Variants in CSMD1 observed in about 807,000 individuals in gnomAD.
CSMD1 encodes CUB and sushi domain-containing protein 1.
Under a neutral mutation model 417.5 loss-of-function variants are expected in CSMD1, and 213 were observed. The observed-to-expected ratio is 0.51, with a 90% CI of 0.46 to 0.57. The LOEUF is 0.57. Among genes scored for constraint, CSMD1 ranks in the 20% least tolerant of loss-of-function variants. The probability of loss-of-function intolerance (pLI) is 0.00; values close to 1 mark genes in which losing one functional copy is unlikely to be tolerated. For synonymous variants in CSMD1, 2,862 were observed against 1,736.8 expected, an observed-to-expected ratio of 1.65 and a Z score of -16.11; for missense variants, 6,923 against 4,529.7, an observed-to-expected ratio of 1.53 and a Z score of -15.17.
In CSMD1 at chr8:3,252,353, C is replaced by T. The variant is rs1585802990; in HGVS notation, c.4154-22122G>A. Reference sequence around the variant, plus strand: ...TTTTGTCTTTGGTTCTGTTTATATGCTGGATTACATTTATTGATTTGCATA... The same window carrying T: ...TTTTGTCTTTGGTTCTGTTTATATGTTGGATTACATTTATTGATTTGCATA... On this transcript the variant is annotated intron_variant, in intron 26 of 69. Transcript: ENST00000635120. 2.6e-5 allele frequency among the ~76,000 whole-genome samples: 4 copies of T among 152,206 alleles called. No individual in the cohort carries two copies. The East Asian group carries it at 7.7e-4, about 29-fold the overall frequency.
intron 3 of CSMD1, among the ~76,000 whole-genome samples, chr8:4,199,900 A>T (rs1799552400): frequency 6.6e-6 from 1 of 152,172 alleles, no homozygotes; most frequent in Non-Finnish European, 1.5e-5. Flanking sequence ...GTGGAAGACA[A>T]GTCATACATT....
At chr8:3,243,527 T>C (rs1255074418) in intron 26 of CSMD1, among the ~76,000 whole-genome samples, 2 of 151,918 alleles carry the variant, frequency 1.3e-5, no homozygotes, top group African/African-American at 4.8e-5. Context: ...CAGGGGAGTT[T>C]TTGAGCCAGG....
intron 3 of CSMD1, among the ~76,000 whole-genome samples, chr8:4,076,992 A>G (rs1407183048): frequency 6.6e-6 from 1 of 152,190 alleles, no homozygotes; most frequent in Admixed American, 6.5e-5. Context: ...TGAAGAATAA[A>G]TTCCAGCTAA....
intron 7 of CSMD1, among the ~76,000 whole-genome samples, chr8:3,648,370 CA>C (rs1452222533): frequency 6.6e-6 from 1 of 152,050 alleles, no homozygotes; most frequent in Non-Finnish European, 1.5e-5. Context: ...GAGAAATTTT[CA>C]AATTAAGACT....
chr8:2,945,048 G>C (rs1002824293), intron 68 of CSMD1, among the ~76,000 whole-genome samples: 1 of 149,546 alleles, frequency 6.7e-6, no homozygotes, highest in Non-Finnish European at 1.5e-5. Context: ...GTTAATTTCA[G>C]TTACTTGCCT....
intron 2 of CSMD1, among the ~76,000 whole-genome samples, chr8:4,533,210 T>A (rs1179755198): frequency 6.6e-6 from 1 of 152,214 alleles, no homozygotes; most frequent in East Asian, 1.9e-4. Flanking sequence ...TACTACATTT[T>A]AAACATGTAA....
intron 1 of CSMD1, among the ~76,000 whole-genome samples, chr8:4,733,810 T>A (rs1810051925): frequency 6.6e-6 from 1 of 152,216 alleles, no homozygotes; most frequent in Non-Finnish European, 1.5e-5. Context: ...TACTAAATTA[T>A]GGAAAACTGC....
intron 1 of CSMD1, among the ~76,000 whole-genome samples, chr8:4,753,967 A>G (rs1811507655): frequency 6.6e-6 from 1 of 152,236 alleles, no homozygotes; most frequent in African/African-American, 2.4e-5. Context: ...AAGCAAATGA[A>G]CAGCTTCAAA....
chr8:4,050,552 G>C (rs1034424588), intron 3 of CSMD1, among the ~76,000 whole-genome samples: 3 of 151,994 alleles, frequency 2.0e-5, no homozygotes, highest in African/African-American at 7.2e-5. Context: ...TATTCTTCAT[G>C]TTACAAACAA....
At chr8:4,509,835 G>T (rs1016771244) in intron 2 of CSMD1, among the ~76,000 whole-genome samples, 1 of 152,138 alleles carries the variant, frequency 6.6e-6, no homozygotes, top group Non-Finnish European at 1.5e-5. Flanking sequence ...ATGTTAAATT[G>T]CCCCAAGATT....
chr8:3,201,134 G>A lies in CSMD1; in HGVS notation c.5098+478C>T, dbSNP rs970437507. Among the ~76,000 whole-genome samples, 3 of 152,132 alleles carry A rather than the reference G, an allele frequency of 2.0e-5. No homozygotes were observed. In the East Asian group the frequency reaches 5.8e-4, roughly 29 times the overall value. ...TGAAATAACATTCCATGTTTTATGG[G>A]GGCTCATGTGTATTTGCATGTGTGG... On this transcript the variant is annotated intron_variant, in intron 32 of 69. Transcript: ENST00000635120.
intron 1 of CSMD1, among the ~76,000 whole-genome samples, chr8:4,639,251 ATTTT>A (rs34704649): frequency 3.0e-5 from 4 of 131,444 alleles, no homozygotes; most frequent in Admixed American, 8.0e-5. Flanking sequence ...GTGGTTGTCA[ATTTT>A]TTTTTTTTTT....
chr8:3,334,953 C>G (rs1807156683), intron 23 of CSMD1, among the ~76,000 whole-genome samples: 1 of 152,328 alleles, frequency 6.6e-6, no homozygotes, highest in Middle Eastern at 3.4e-3. Context: ...TCCAACGAGC[C>G]TTCTCCAAAA....
chr8:4,178,256 G>A (rs962513310), intron 3 of CSMD1, among the ~76,000 whole-genome samples: 1 of 151,912 alleles, frequency 6.6e-6, no homozygotes, highest in African/African-American at 2.4e-5. Flanking sequence ...TTCATCCCTG[G>A]GATGCAAGGC....
intron 2 of CSMD1, among the ~76,000 whole-genome samples, chr8:4,521,379 G>T (rs936400415): frequency 1.3e-5 from 2 of 151,848 alleles, no homozygotes; most frequent in African/African-American, 4.8e-5. Flanking sequence ...AATAGAAAAA[G>T]AAAAAACAAA....
chr8:3,965,812 T>C (rs959532831), intron 5 of CSMD1, among the ~76,000 whole-genome samples: 1 of 151,944 alleles, frequency 6.6e-6, no homozygotes, highest in East Asian at 1.9e-4. Context: ...AGAGATGGGG[T>C]TTCACCATGT....
At chr8:4,967,669 G>A (rs9942812) in intron 1 of CSMD1, among the ~76,000 whole-genome samples, 57,100 of 152,040 alleles carry the variant, frequency 0.38, 11,233 homozygotes, top group Non-Finnish European at 0.44. Flanking sequence ...TAATGAGCAT[G>A]AATCTTGCAT....
chr8:2,943,918 G>C (rs1354273993), intron 68 of CSMD1, among the ~76,000 whole-genome samples: 2 of 152,072 alleles, frequency 1.3e-5, no homozygotes, highest in Non-Finnish European at 2.9e-5. Flanking sequence ...TTATAAACCA[G>C]AAATGCAAAA....
intron 20 of CSMD1, among the ~76,000 whole-genome samples, chr8:3,365,736 G>T (rs150710959): frequency 1.7e-3 from 255 of 152,264 alleles, no homozygotes; most frequent in Non-Finnish European, 3.1e-3. Context: ...TTTTTGGGGC[G>T]TCAAGAGTTA....
Sources: allele counts gnomAD v4.1 joint callset (sites outside exome capture counted in the v4.1 genomes callset), GRCh38; gene constraint gnomAD v4.1.1; transcripts MANE v1.5; gene names NCBI Gene and HGNC (gene_info 2026-07-23, HGNC 2026-07-21).